The following ACTN4 variants were observed in gnomAD, a reference collection of about 807,000 sequenced individuals.
The protein encoded by ACTN4 is alpha-actinin-4.
A neutral mutation model predicts 114.2 loss-of-function variants in ACTN4; 18 were observed. The observed-to-expected ratio is 0.16, with a 90% CI of 0.11 to 0.23. The LOEUF is 0.23. Among genes scored for constraint, ACTN4 ranks in the 10% least tolerant of loss-of-function variants. The probability of loss-of-function intolerance (pLI) is 1.00; values close to 1 mark genes in which losing one functional copy is unlikely to be tolerated. For missense variants in ACTN4, 722 were observed against 1,262.9 expected (o/e 0.57, Z 6.49); for synonymous variants, 515 against 506.3 (o/e 1.02, Z -0.23).
intron 17 of ACTN4, 58 bp from the exon 18 acceptor site, chr19:38,726,884 TCCTCCACGTGTGAAC>T: frequency 1.2e-6 from 2 of 1,601,668 alleles, no homozygotes; most frequent in Non-Finnish European, 1.7e-6. Flanking sequence ...CAGTTCACAG[TCCTCCACGTGTGAAC>T]CACGGTGAGG....
chr19:38,716,960 G>A, intron 9 of ACTN4, 126 bp from the exon 10 acceptor site: 1 of 1,052,428 alleles, frequency 9.5e-7, no homozygotes, highest in Non-Finnish European at 1.4e-6. Context: ...GGGCTGGGGA[G>A]CAGGGGTAAC....
Position 38,721,542 on chromosome 19 carries a change from G to A in ACTN4, c.1296G>A (p.Lys432=). The change falls in exon 12 of 21, where the codon AAG becomes AAA. Residue 432 remains lysine (K), a synonymous_variant. Coordinates refer to ENST00000252699, the MANE Select transcript of ACTN4 (RefSeq NM_004924.6). ...GCGTCTCTCTGCTCCTACCAGGGAAGGAAGCCATGCTGAAGCACCGGGACT... is the reference window on the plus strand; with the variant it reads ...GCGTCTCTCTGCTCCTACCAGGGAAAGAAGCCATGCTGAAGCACCGGGACT... ...ASIHEAWTDG[K]EAMLKHRDYE... 6.2e-7 allele frequency: 1 copy of A among 1,613,934 alleles called. No individual in the cohort carries two copies.
chr19:38,717,468 T>C lies in ACTN4; in HGVS notation c.1143+152T>C, dbSNP rs779076198. The C allele has an allele frequency of 9.2e-7, 1 of 1,086,172 alleles. No individual in the cohort carries two copies. The highest frequency in any genetic ancestry group is 1.3e-6 in the Non-Finnish European group (1 of 750,292). 67.3% of individuals were successfully genotyped at this position (1,086,172 alleles called of 1,614,324 possible). On this transcript the variant is annotated intron_variant, in intron 10 of 20. Coordinates refer to ENST00000252699, the MANE Select transcript of ACTN4 (RefSeq NM_004924.6). This position sits in a 1 kb window ranked among gnomAD's most constrained non-coding sequence, Gnocchi z 4.0. ...TTCGGATGCAGTGGTCGGGGAGGGG[T>C]GCACTTCACTCGGCATTGTGCTCCC...
intron 1 of ACTN4, among the ~76,000 whole-genome samples, chr19:38,669,652 C>G (rs751544661): frequency 2.0e-5 from 3 of 152,188 alleles, no homozygotes; most frequent in Non-Finnish European, 4.4e-5. Context: ...TTAGTAGCTG[C>G]ATTTGGTGCC....
At chr19:38,675,680 G>C (rs774084885) in intron 1 of ACTN4, among the ~76,000 whole-genome samples, 3 of 152,224 alleles carry the variant, frequency 2.0e-5, no homozygotes, top group Non-Finnish European at 2.9e-5. Context: ...ACTTTGGCTG[G>C]TGAGGTGCTG....
At position 38,730,959 on chromosome 19, in the gene ACTN4, G is replaced by A; in HGVS notation, c.*1527G>A. The A allele has an allele frequency of 6.4e-7, 1 of 1,550,604 alleles. No individual in the cohort carries two copies. Among genetic ancestry groups the A allele is most frequent in the East Asian group, 2.4e-5 (1 of 40,934 alleles). ...TGAGCCACCCTGTCCCTCCCACCTGGCTCACCTGTCTGTGGGTCAGGCAGA... is the reference window on the plus strand; with the variant it reads ...TGAGCCACCCTGTCCCTCCCACCTGACTCACCTGTCTGTGGGTCAGGCAGA... On this transcript the variant is annotated 3_prime_UTR_variant, in exon 21 of 21. Transcript: ENST00000252699.
intron 8 of ACTN4, among the ~76,000 whole-genome samples, chr19:38,713,346 G>C (rs1197750247): frequency 6.6e-6 from 1 of 152,222 alleles, no homozygotes; most frequent in Non-Finnish European, 1.5e-5. Flanking sequence ...CTCACAGAGA[G>C]GACTTGAGTT....
intron 1 of ACTN4, among the ~76,000 whole-genome samples, chr19:38,655,015 C>G (rs975591614): frequency 6.6e-6 from 1 of 152,168 alleles, no homozygotes; most frequent in Non-Finnish European, 1.5e-5. Context: ...CCCCCTCCCC[C>G]AGGAGTGAGG....
At chr19:38,679,568 CGTGTGTGTGT>C (rs10583743) in intron 1 of ACTN4, among the ~76,000 whole-genome samples, 1,687 of 145,518 alleles carry the variant, frequency 0.012, 24 homozygotes, top group African/African-American at 0.041. Context: ...TTTGGGTGTG[CGTGTGTGTGT>C]GTGTGTGTGT....
chr19:38,728,516 C>G (rs1048840098), intron 19 of ACTN4: 1 of 624,986 alleles, frequency 1.6e-6, no homozygotes. Context: ...TCCGCCCGAG[C>G]AGCGCAGCCG....
intron 1 of ACTN4, among the ~76,000 whole-genome samples, chr19:38,656,269 C>T (rs1322016037): frequency 1.3e-5 from 2 of 152,134 alleles, no homozygotes; most frequent in Admixed American, 6.6e-5. Context: ...CACACCACCA[C>T]GCCTGACTGA....
At chr19:38,686,209 G>A (rs1014984715) in intron 1 of ACTN4, among the ~76,000 whole-genome samples, 1 of 152,160 alleles carries the variant, frequency 6.6e-6, no homozygotes, top group East Asian at 1.9e-4. Context: ...TTGTCTGGAT[G>A]AACAAATCCC....
chr19:38,653,182 C>T (rs1328082725), intron 1 of ACTN4, among the ~76,000 whole-genome samples: 3 of 152,030 alleles, frequency 2.0e-5, no homozygotes, highest in African/African-American at 7.2e-5. Context: ...AACATATGCT[C>T]CAGTCATGGC....
intron 1 of ACTN4, among the ~76,000 whole-genome samples, chr19:38,692,398 C>T (rs562163783): frequency 1.3e-5 from 2 of 152,342 alleles, no homozygotes; most frequent in Admixed American, 6.5e-5. Context: ...GTGACCTGCT[C>T]GTTTTCTGTT....
rs1388876838 is a variant in ACTN4 at position 38,700,358 on chromosome 19, G to A, written c.163-242G>A. Reference sequence around the variant, plus strand: ...TCAAATCCAAGCTCTGCCACTTACCGCCTGGATGGTCTTGTGATGGGTCAT... The same window carrying A: ...TCAAATCCAAGCTCTGCCACTTACCACCTGGATGGTCTTGTGATGGGTCAT... On this transcript the variant is annotated intron_variant, in intron 1 of 20. Coordinates refer to ENST00000252699, the MANE Select transcript of ACTN4 (RefSeq NM_004924.6). 1.3e-5 allele frequency among the ~76,000 whole-genome samples: 2 copies of A among 152,132 alleles called. 1 individual carries two copies. The highest frequency in any genetic ancestry group is 1.3e-4 in the Admixed American group (2 of 15,272).
At chr19:38,688,390 CAAAAAAAA>C (rs35793948) in intron 1 of ACTN4, among the ~76,000 whole-genome samples, 3 of 81,152 alleles carry the variant, frequency 3.7e-5, no homozygotes, top group African/African-American at 1.0e-4. Flanking sequence ...TTGTCTCTAC[CAAAAAAAA>C]AAAAAAAAAA....
intron 1 of ACTN4, among the ~76,000 whole-genome samples, chr19:38,690,623 A>G (rs1368345179): frequency 6.6e-6 from 1 of 152,222 alleles, no homozygotes; most frequent in Non-Finnish European, 1.5e-5. Context: ...TGGGAGCTCT[A>G]AGAACAAAGA....
chr19:38,661,188 C>A (rs1976875851), intron 1 of ACTN4, among the ~76,000 whole-genome samples: 1 of 152,142 alleles, frequency 6.6e-6, no homozygotes, highest in Non-Finnish European at 1.5e-5. Context: ...TCTTAGATGC[C>A]AGTAGGTCAG....
rs1458395941 is a variant in ACTN4 at position 38,714,530 on chromosome 19, T to G, written c.881T>G (p.Leu294Arg). Reference sequence around the variant, plus strand: ...GCTGTCAACCAAGAGAACGAGCACCTGATGGAGGACTACGAGAAGCTGGCC... The same window carrying G: ...GCTGTCAACCAAGAGAACGAGCACCGGATGGAGGACTACGAGAAGCTGGCC... ...VLAVNQENEH[L>R]MEDYEKLASD... The change falls in exon 9 of 21, where the codon CTG (leucine) becomes CGG (arginine). Residue 294 changes from leucine (L) to arginine (R), a missense_variant. Around this residue, in one of 3 missense-constraint regions of ACTN4, gnomAD observed 523 missense variants for 875.9 expected, o/e 0.60. Coordinates refer to ENST00000252699, the MANE Select transcript of ACTN4 (RefSeq NM_004924.6). 6.2e-7 allele frequency: 1 copy of G among 1,613,980 alleles called. No homozygotes were observed.
Sources: gnomAD v4.1 joint callset for allele counts (sites outside exome capture counted in the v4.1 genomes callset) on GRCh38, gnomAD v4.1.1 for gene constraint, gnomAD v4.1.1 regional missense constraint, Gnocchi (gnomAD v3.1) non-coding constraint, MANE v1.5 for transcripts, NCBI Gene and HGNC (gene_info 2026-07-23, HGNC 2026-07-21) for gene names.